The following TIMM17A variants were observed in gnomAD, a reference collection of about 807,000 sequenced individuals.
TIMM17A encodes the protein translocase of inner mitochondrial membrane 17A.
TIMM17A carries 15 observed loss-of-function variants against 26.5 expected under a neutral mutation model. That is an observed-to-expected ratio of 0.57 (90% CI 0.38 to 0.87). TIMM17A has a LOEUF of 0.87. Ranked by LOEUF, TIMM17A falls within the 40% of genes least tolerant of loss-of-function variation. The pLI, the probability that TIMM17A is intolerant of heterozygous loss-of-function variation, is 0.00. For missense variants in TIMM17A, 201 were observed against 210.0 expected, an observed-to-expected ratio of 0.96 and a Z score of 0.27; for synonymous variants, 80 against 70.8, an observed-to-expected ratio of 1.13 and a Z score of -0.66.
chr1:201,967,844 C>A (rs1011026130), intron 5 of TIMM17A, among the ~76,000 whole-genome samples: 1 of 151,746 alleles, frequency 6.6e-6, no homozygotes, highest in Non-Finnish European at 1.5e-5. Flanking sequence ...GCTGGAATCT[C>A]CTTTTTAGTA....
chr1:201,956,863 G>A (rs915077876), intron 1 of TIMM17A, among the ~76,000 whole-genome samples: 2 of 151,814 alleles, frequency 1.3e-5, no homozygotes, highest in Non-Finnish European at 2.9e-5. Flanking sequence ...GGCTGAGGCA[G>A]GAGAATCACT....
At position 201,955,539 on chromosome 1, in the gene TIMM17A, G is replaced by C. The variant is rs199945702; in HGVS notation, c.13G>C (p.Ala5Pro). ...CATTGGAGTCAAGATGGAGGAGTACGCGCGAGAGCCTTGGTGAGCTTCACC... is the reference window on the plus strand; with the variant it reads ...CATTGGAGTCAAGATGGAGGAGTACCCGCGAGAGCCTTGGTGAGCTTCACC... Reference protein sequence around the residue: MEEYAREPCPWRIVD... With the variant: MEEYPREPCPWRIVD... The change falls in exon 1 of 6, where the codon GCG (alanine) becomes CCG (proline). Residue 5 changes from alanine (A) to proline (P), a missense_variant. By Grantham distance (27) the Ala-to-Pro change is conservative. Coordinates refer to ENST00000367287, the MANE Select transcript of TIMM17A (RefSeq NM_006335.3). 1 of 1,614,258 alleles carries C rather than the reference G, an allele frequency of 6.2e-7. No homozygotes were observed. Among genetic ancestry groups the C allele is most frequent in the Non-Finnish European group, 8.5e-7 (1 of 1,180,050 alleles).
At chr1:201,968,882 C>T (rs1331002570) in intron 5 of TIMM17A, among the ~76,000 whole-genome samples, 1 of 144,406 alleles carries the variant, frequency 6.9e-6, no homozygotes. Context: ...CCCTAAAAGT[C>T]TTTTTTTTTT....
At chr1:201,958,310 T>C (rs191510311) in intron 3 of TIMM17A, among the ~76,000 whole-genome samples, 2 of 152,346 alleles carry the variant, frequency 1.3e-5, no homozygotes, top group East Asian at 3.9e-4. Flanking sequence ...ATTGGAAAAT[T>C]TGAAAAGATT....
chr1:201,962,406 G>A (rs1007586397), intron 3 of TIMM17A: 2 of 152,268 alleles, frequency 1.3e-5, no homozygotes, highest in African/African-American at 4.8e-5. Context: ...GAGCACAGTG[G>A]TGCAAACTTG....
At chr1:201,965,796 C>T (rs567451045) in intron 5 of TIMM17A, among the ~76,000 whole-genome samples, 1 of 152,152 alleles carries the variant, frequency 6.6e-6, no homozygotes, top group Non-Finnish European at 1.5e-5. Context: ...CAAGAAATGT[C>T]TGATCATTTT....
chr1:201,968,033 G>T (rs1682666766), intron 5 of TIMM17A, among the ~76,000 whole-genome samples: 1 of 152,202 alleles, frequency 6.6e-6, no homozygotes, highest in African/African-American at 2.4e-5. Context: ...GTCTCGGTCT[G>T]TCGCCCAGGC....
At chr1:201,957,704 C>G in intron 3 of TIMM17A, 130 bp downstream of exon 3, 2 of 649,898 alleles carry the variant, frequency 3.1e-6, no homozygotes, top group Non-Finnish European at 5.1e-6. Context: ...ACATATATCC[C>G]TATAGTTTCT....
intron 5 of TIMM17A, among the ~76,000 whole-genome samples, chr1:201,966,938 A>C (rs115467874): frequency 0.073 from 10,740 of 146,302 alleles, 476 homozygotes; most frequent in Middle Eastern, 0.18. Flanking sequence ...TATGTTGTAT[A>C]TATGTTATGT....
intron 5 of TIMM17A, among the ~76,000 whole-genome samples, chr1:201,966,991 TTGTG>T (rs759557626): frequency 7.1e-4 from 95 of 133,078 alleles, no homozygotes; most frequent in Admixed American, 5.0e-3. Flanking sequence ...ATTATATATG[TTGTG>T]TGTGTGTGTG....
intron 1 of TIMM17A, among the ~76,000 whole-genome samples, chr1:201,956,043 A>G (rs898461716): frequency 3.9e-5 from 6 of 152,148 alleles, no homozygotes; most frequent in Non-Finnish European, 8.8e-5. Context: ...AAATGAATGG[A>G]ACATAGATTT....
intron 5 of TIMM17A, among the ~76,000 whole-genome samples, chr1:201,968,200 A>G (rs931508966): frequency 6.6e-6 from 1 of 150,858 alleles, no homozygotes; most frequent in Non-Finnish European, 1.5e-5. Flanking sequence ...ATGCAGTTTC[A>G]CCATATTGGT....
intron 5 of TIMM17A, among the ~76,000 whole-genome samples, chr1:201,969,138 A>G (rs956465549): frequency 7.9e-5 from 12 of 152,210 alleles, no homozygotes; most frequent in African/African-American, 2.4e-4. Flanking sequence ...AACTCTTCTA[A>G]TCTTGATATA....
chr1:201,967,878 A>G (rs187586436), intron 5 of TIMM17A, among the ~76,000 whole-genome samples: 157 of 152,174 alleles, frequency 1.0e-3, no homozygotes, highest in African/African-American at 3.5e-3. Context: ...ATTTATATAG[A>G]AGCAGCCTAA....
chr1:201,965,848 T>C (rs1234726011), intron 5 of TIMM17A, among the ~76,000 whole-genome samples: 18 of 152,246 alleles, frequency 1.2e-4, no homozygotes, highest in Admixed American at 1.2e-3. Flanking sequence ...ATAACAATCA[T>C]GATGGTCAAT....
intron 5 of TIMM17A, among the ~76,000 whole-genome samples, chr1:201,966,936 ATATATGTTATG>A (rs1682638815): frequency 6.8e-6 from 1 of 146,376 alleles, no homozygotes; most frequent in Non-Finnish European, 1.5e-5. Context: ...TATATGTTGT[ATATATGTTATG>A]TATTATATAT....
At chr1:201,967,695 G>A (rs1428726007) in intron 5 of TIMM17A, among the ~76,000 whole-genome samples, 2 of 151,110 alleles carry the variant, frequency 1.3e-5, no homozygotes, top group African/African-American at 2.4e-5. Flanking sequence ...GGTGTGCACC[G>A]CTATGCCCGG....
intron 3 of TIMM17A, chr1:201,957,961 A>C (rs1682460142): frequency 6.0e-6 from 1 of 166,002 alleles, no homozygotes; most frequent in Non-Finnish European, 1.3e-5. Context: ...AACATGGAGA[A>C]ACCCCATCTC....
chr1:201,966,441 C>G (rs1243754858), intron 5 of TIMM17A, among the ~76,000 whole-genome samples: 2 of 152,056 alleles, frequency 1.3e-5, no homozygotes, highest in African/African-American at 4.8e-5. Flanking sequence ...CTCACTTGAC[C>G]CCAGGAGTTC....
Sources: allele counts gnomAD v4.1 joint callset (sites outside exome capture counted in the v4.1 genomes callset), GRCh38; gene constraint gnomAD v4.1.1; transcripts MANE v1.5; gene names NCBI Gene and HGNC (gene_info 2026-07-23, HGNC 2026-07-21).